GSTO2: variants seen among roughly 807,000 people sequenced by gnomAD.
GSTO2 encodes glutathione S-transferase omega-2.
In GSTO2, 23 loss-of-function variants were observed where a neutral mutation model predicts 28.4. The ratio of observed to expected loss-of-function variants is 0.81; its 90% CI spans 0.58 to 1.15. The LOEUF (loss-of-function observed/expected upper bound fraction) is 1.15. Ranked by LOEUF, GSTO2 falls within the 50% of genes most tolerant of loss-of-function variation. GSTO2 has a pLI of 0.00. For synonymous variants in GSTO2, 109 were observed against 111.0 expected (o/e 0.98, Z 0.11); for missense variants, 298 against 297.8 (o/e 1.00, Z 0.00).
Position 104,285,971 on chromosome 10 carries a change from G to A in GSTO2, c.468+6500G>A, listed in dbSNP as rs760967098. ...AAGAAAGTTTATACCTGGTTAATTC[G>A]TCACTGAAAACAATTTTCTGTATCC... On this transcript the variant is annotated intron_variant, in intron 5 of 6. Transcript: ENST00000338595. The A allele has an allele frequency of 7.2e-5, 26 of 360,004 alleles. 1 individual carries two copies. The highest frequency in any genetic ancestry group is 2.5e-4 in the Admixed American group (7 of 27,616). The allele number at this position is 360,004 out of a possible 1,614,324, so 22.3% of individuals were successfully genotyped here.
intron 5 of GSTO2, among the ~76,000 whole-genome samples, chr10:104,289,184 G>A (rs924918071): frequency 3.9e-5 from 6 of 151,984 alleles, no homozygotes; most frequent in South Asian, 2.1e-4. Flanking sequence ...CTGCAGCCTC[G>A]ACCTCTCAGG....
intron 3 of GSTO2, among the ~76,000 whole-genome samples, chr10:104,276,733 A>G (rs2011653044): frequency 6.6e-6 from 1 of 152,126 alleles, no homozygotes; most frequent in Non-Finnish European, 1.5e-5. Context: ...TGGCCTCTCA[A>G]AGTGCTGAGA....
intron 5 of GSTO2, among the ~76,000 whole-genome samples, chr10:104,293,405 G>A (rs893984631): frequency 6.6e-6 from 1 of 151,930 alleles, no homozygotes; most frequent in Non-Finnish European, 1.5e-5. Flanking sequence ...ACTTGAGGAA[G>A]CTTTTTTATT....
Position 104,279,474 on chromosome 10 carries a change from A to G in GSTO2, c.468+3A>G. 2 of 1,607,396 alleles carry G rather than the reference A, an allele frequency of 1.2e-6. No homozygotes were observed. Among genetic ancestry groups the G allele is most frequent in the Non-Finnish European group, 1.7e-6 (2 of 1,173,992 alleles). On this transcript the variant is annotated splice_donor_region_variant and intron_variant, in intron 5 of 6. Coordinates refer to ENST00000338595, the MANE Select transcript of GSTO2 (RefSeq NM_183239.2). ...AGGAATTCAGCAACCTGGAAGAGGT[A>G]CAAAAAGGGGTCCCTCTCCTGGTCA...
intron 5 of GSTO2, among the ~76,000 whole-genome samples, chr10:104,286,873 G>T (rs2012462131): frequency 6.6e-6 from 1 of 151,976 alleles, no homozygotes; most frequent in African/African-American, 2.4e-5. Flanking sequence ...TCATTAGAGA[G>T]AATTTGGAAA....
At position 104,300,026 on chromosome 10, in the gene GSTO2, C is replaced by T. The variant is rs1245460905; in HGVS notation, c.*742C>T. On this transcript the variant is annotated 3_prime_UTR_variant, in exon 7 of 7. Coordinates refer to ENST00000338595, the MANE Select transcript of GSTO2 (RefSeq NM_183239.2). ...AGAAGGAAGAAGAAAACACTCCAAACCTAAATACCTTCCATTTGGCAAATG... is the reference window on the plus strand; with the variant it reads ...AGAAGGAAGAAGAAAACACTCCAAATCTAAATACCTTCCATTTGGCAAATG... 1.3e-5 allele frequency: 2 copies of T among 152,346 alleles called. No homozygotes were observed. The highest frequency in any genetic ancestry group is 2.4e-5 in the African/African-American group (1 of 41,442). 9.4% of individuals were successfully genotyped at this position (152,346 alleles called of 1,614,324 possible).
intron 1 of GSTO2, among the ~76,000 whole-genome samples, chr10:104,270,817 G>A (rs1342133789): frequency 1.3e-5 from 2 of 152,182 alleles, no homozygotes; most frequent in African/African-American, 2.4e-5. Flanking sequence ...AAAAGTTGCC[G>A]AATGCAAACC....
At chr10:104,292,349 G>A (rs2012815932) in intron 5 of GSTO2, among the ~76,000 whole-genome samples, 1 of 151,666 alleles carries the variant, frequency 6.6e-6, no homozygotes, top group Non-Finnish European at 1.5e-5. Context: ...TTGTAGACAC[G>A]GTCTCACTAT....
intron 5 of GSTO2, among the ~76,000 whole-genome samples, chr10:104,286,267 A>C (rs1383573866): frequency 6.6e-6 from 1 of 152,136 alleles, no homozygotes; most frequent in Non-Finnish European, 1.5e-5. Flanking sequence ...ATTTCTTCTC[A>C]ATCCCTGTGG....
intron 5 of GSTO2, among the ~76,000 whole-genome samples, chr10:104,280,657 C>T (rs1033540930): frequency 4.6e-5 from 7 of 152,188 alleles, no homozygotes; most frequent in Non-Finnish European, 1.0e-4. Context: ...AGCTACTTAT[C>T]CTGTACTTCT....
intron 3 of GSTO2, among the ~76,000 whole-genome samples, chr10:104,276,038 GC>G (rs2011619585): frequency 6.6e-6 from 1 of 152,172 alleles, no homozygotes; most frequent in African/African-American, 2.4e-5. Flanking sequence ...GGGCAGAGCA[GC>G]TTTGCTGGGA....
At chr10:104,276,438 T>C (rs1342495142) in intron 3 of GSTO2, among the ~76,000 whole-genome samples, 3 of 152,236 alleles carry the variant, frequency 2.0e-5, no homozygotes, top group Admixed American at 6.5e-5. Flanking sequence ...AGATAATTCT[T>C]TGTTGGAGAG....
chr10:104,271,453 TGATTC>T (rs1420997509), intron 1 of GSTO2, among the ~76,000 whole-genome samples: 1 of 152,234 alleles, frequency 6.6e-6, no homozygotes, highest in East Asian at 1.9e-4. Context: ...CTGGACTATT[TGATTC>T]GATACTCACA....
chr10:104,276,401 A>G lies in GSTO2; in HGVS notation c.143+1067A>G, dbSNP rs72825843. Among the ~76,000 whole-genome samples, 494 of 152,258 alleles carry G rather than the reference A, an allele frequency of 3.2e-3. 2 individuals carry two copies. The highest frequency in any genetic ancestry group is 5.9e-3 in the Non-Finnish European group (403 of 68,014). On this transcript the variant is annotated intron_variant, in intron 3 of 6. Transcript: ENST00000338595. The stretch of plus-strand genomic sequence containing the variant: ...TATTTCCTTAGGTCAGCGTTTCTCA[A>G]ACTTGGCACTGTTGACAGTTTAGGC...
chr10:104,304,677 A>G lies in GSTO2; in HGVS notation c.*5393A>G, dbSNP rs1207195370. On this transcript the variant is annotated 3_prime_UTR_variant, in exon 7 of 7. Transcript: ENST00000338595. Reference sequence around the variant, plus strand: ...CCCTATTATGACTAGGCTTCTGCCAATGATCAGACTTGAACCCTGTGCTCA... The same window carrying G: ...CCCTATTATGACTAGGCTTCTGCCAGTGATCAGACTTGAACCCTGTGCTCA... The G allele has an allele frequency of 6.6e-6, 1 of 152,234 alleles. No homozygotes were observed. Among genetic ancestry groups the G allele is most frequent in the Admixed American group, 6.5e-5 (1 of 15,280 alleles). The allele number at this position is 152,234 out of a possible 1,614,324, so 9.4% of individuals were successfully genotyped here.
At chr10:104,271,222 A>C (rs2011386364) in intron 1 of GSTO2, among the ~76,000 whole-genome samples, 1 of 152,256 alleles carries the variant, frequency 6.6e-6, no homozygotes, top group South Asian at 2.1e-4. Context: ...TGGAGTCTGC[A>C]GCATTCAGCC....
At chr10:104,281,365 C>G (rs1287320947) in intron 5 of GSTO2, among the ~76,000 whole-genome samples, 1 of 152,064 alleles carries the variant, frequency 6.6e-6, no homozygotes, top group Non-Finnish European at 1.5e-5. Context: ...TGGTTACCTT[C>G]TCACAGATAA....
In GSTO2 at chr10:104,277,897, T is replaced by G. The variant is rs2011734786; in HGVS notation, c.147T>G (p.His49Gln). The change falls in exon 4 of 7, where the codon CAT becomes CAG. Residue 49 changes from histidine to glutamine, a missense_variant. Transcript: ENST00000338595. ...RLVLKAKDIR[H>Q]EVVNINLRNK... ...TGTTTTCCTTTTGCTTTTTAAGACA[T>G]GAAGTGGTCAACATTAACCTGAGAA... is the stretch of plus-strand genomic sequence containing the variant. The G allele has an allele frequency of 6.2e-7, 1 of 1,610,628 alleles. No individual in the cohort carries two copies. Among genetic ancestry groups the G allele is most frequent in the Non-Finnish European group, 8.5e-7 (1 of 1,176,848 alleles).
At chr10:104,277,707 A>G (rs2011720466) in intron 3 of GSTO2, among the ~76,000 whole-genome samples, 187 bp from the exon 4 acceptor site, 2 of 152,338 alleles carry the variant, frequency 1.3e-5, no homozygotes, top group South Asian at 2.1e-4. Flanking sequence ...AAGGCATGGA[A>G]AACATCCGAC....
Sources: gnomAD v4.1 joint callset for allele counts (sites outside exome capture counted in the v4.1 genomes callset) on GRCh38, gnomAD v4.1.1 for gene constraint, MANE v1.5 for transcripts, NCBI Gene and HGNC (gene_info 2026-07-23, HGNC 2026-07-21) for gene names.